URI1: variants seen among roughly 807,000 people sequenced by gnomAD.
URI1 encodes the protein URI1 prefoldin like chaperone.
In URI1, 39 loss-of-function variants were observed where a neutral mutation model predicts 60.2. That is an observed-to-expected ratio of 0.65 (90% CI 0.50 to 0.85). The LOEUF (loss-of-function observed/expected upper bound fraction) is 0.85. Among genes scored for constraint, URI1 ranks in the 40% least tolerant of loss-of-function variants. URI1 has a pLI of 0.00. For synonymous variants in URI1, 251 were observed against 236.8 expected (o/e 1.06, Z -0.55); for missense variants, 691 against 665.9 (o/e 1.04, Z -0.42).
At chr19:29,991,893 G>A (rs2145394883) in intron 4 of URI1, among the ~76,000 whole-genome samples, 1 of 152,246 alleles carries the variant, frequency 6.6e-6, no homozygotes, top group African/African-American at 2.4e-5. Context: ...ATCTGTTAAT[G>A]TGGTGGATTA....
chr19:29,942,360 C>G lies in URI1; in HGVS notation c.-188C>G. 1.0e-6 allele frequency: 1 copy of G among 984,970 alleles called. No individual in the cohort carries two copies. Among genetic ancestry groups the G allele is most frequent in the Non-Finnish European group, 1.2e-6 (1 of 829,852 alleles). The allele number at this position is 984,970 out of a possible 1,614,324, so 61.0% of individuals were successfully genotyped here. A position where few individuals can be genotyped will look rare whatever the true frequency, so the allele number is the denominator to read the frequency against. On this transcript the variant is annotated 5_prime_UTR_variant, in exon 1 of 11. Coordinates refer to ENST00000392271, the MANE Select transcript of URI1 (RefSeq NM_003796.3). ...GCGGGGCGGCGGCGGCGGGGACATG[C>G]ACGTGTGAGATGCGGCAGCGGGCGG...
intron 1 of URI1, among the ~76,000 whole-genome samples, chr19:29,950,063 A>G (rs1444518769): frequency 6.6e-6 from 1 of 152,246 alleles, no homozygotes; most frequent in Non-Finnish European, 1.5e-5. Flanking sequence ...ATTACTTGTA[A>G]GTTTTATTTT....
chr19:29,932,899 C>T (rs561920047), intron 1 of URI1, among the ~76,000 whole-genome samples: 59 of 147,748 alleles, frequency 4.0e-4, no homozygotes, highest in African/African-American at 1.0e-3. Flanking sequence ...GTGATCCACC[C>T]GCCTCAGCCT....
chr19:29,956,716 C>T (rs2055252847), intron 1 of URI1: 1 of 1,554,882 alleles, frequency 6.4e-7, no homozygotes, highest in African/African-American at 1.4e-5. Context: ...CAGACCTCAT[C>T]TTGTAATGGA....
At chr19:29,985,411 T>A in intron 3 of URI1, 110 bp downstream of exon 3, 4 of 796,540 alleles carry the variant, frequency 5.0e-6, no homozygotes, top group African/African-American at 1.7e-5. Context: ...GGTAACTATG[T>A]AGCAAGGAAG....
intron 1 of URI1, among the ~76,000 whole-genome samples, chr19:29,934,916 T>C (rs1273148744): frequency 2.6e-5 from 4 of 152,148 alleles, no homozygotes; most frequent in African/African-American, 4.8e-5. Context: ...CCAAAGTAAG[T>C]CTCTTGCAGA....
At chr19:30,014,758 G>A in intron 10 of URI1, 129 bp from the exon 11 acceptor site, 1 of 786,816 alleles carries the variant, frequency 1.3e-6, no homozygotes, top group Non-Finnish European at 2.0e-6. Context: ...TTTTGGTGTA[G>A]TAGTGTTGTC....
chr19:29,948,629 GC>G, intron 1 of URI1, among the ~76,000 whole-genome samples: 1 of 152,148 alleles, frequency 6.6e-6, no homozygotes, highest in Non-Finnish European at 1.5e-5. Context: ...AGTGGACACA[GC>G]ACATGTTTCA....
At chr19:29,947,503 T>C (rs2055117399) in intron 1 of URI1, among the ~76,000 whole-genome samples, 1 of 152,266 alleles carries the variant, frequency 6.6e-6, no homozygotes, top group South Asian at 2.1e-4. Flanking sequence ...AAGTTCTCCC[T>C]GCTTCAGTCT....
intron 1 of URI1, among the ~76,000 whole-genome samples, chr19:29,926,187 T>C (rs546251734): frequency 6.6e-6 from 1 of 152,080 alleles, no homozygotes; most frequent in South Asian, 2.1e-4. Flanking sequence ...TCTGATATTT[T>C]GGTGCACCCA....
chr19:29,954,511 C>CTT (rs11411965), intron 1 of URI1, among the ~76,000 whole-genome samples: 2,164 of 115,804 alleles, frequency 0.019, 79 homozygotes, highest in African/African-American at 0.033. Flanking sequence ...TACAGATAAA[C>CTT]TTTTTTTTTT....
intron 1 of URI1, 54 bp downstream of exon 1, chr19:29,942,718 T>C: frequency 1.5e-6 from 2 of 1,340,114 alleles, no homozygotes; most frequent in East Asian, 5.8e-5. Context: ...TGCCCCTGCC[T>C]GTGCTCTGGG....
chr19:29,931,114 T>C (rs944640738), intron 1 of URI1, among the ~76,000 whole-genome samples: 3 of 152,190 alleles, frequency 2.0e-5, no homozygotes, highest in Admixed American at 2.0e-4. Context: ...TTGGGGTCTC[T>C]TGAAATTCCA....
intron 1 of URI1, among the ~76,000 whole-genome samples, chr19:29,927,288 G>C (rs2054876855): frequency 6.9e-6 from 1 of 145,782 alleles, no homozygotes; most frequent in Admixed American, 6.9e-5. Flanking sequence ...TTCTGAAATG[G>C]AGTCTTGCTG....
rs2055927856 is a variant in URI1, at chr19:30,005,377, A to G, written c.384A>G (p.Ile128Met). ...EHRKEHVRKT[I>M]DDLKKVMKNF... ...TTGTTTCAGATGTAAGAAAAACAAT[A>G]GATGACTTAAAAAAAGTGATGAAAA... is the stretch of plus-strand genomic sequence containing the variant. The change falls in exon 5 of 11, where the codon ATA (isoleucine) becomes ATG (methionine). Residue 128 changes from isoleucine to methionine, a missense_variant. Coordinates refer to ENST00000392271, the MANE Select transcript of URI1 (RefSeq NM_003796.3). The G allele has an allele frequency of 2.5e-6, 4 of 1,592,866 alleles. No individual in the cohort carries two copies. The highest frequency in any genetic ancestry group is 3.4e-6 in the Non-Finnish European group (4 of 1,168,282).
intron 1 of URI1, among the ~76,000 whole-genome samples, chr19:29,927,259 CT>C (rs2054876255): frequency 8.9e-6 from 1 of 112,238 alleles, no homozygotes; most frequent in Non-Finnish European, 1.9e-5. Flanking sequence ...AATTTCATCC[CT>C]CTTTTTTTTT....
At chr19:29,926,233 C>CCCCTTCCT (rs1385038224) in intron 1 of URI1, among the ~76,000 whole-genome samples, 1 of 131,578 alleles carries the variant, frequency 7.6e-6, no homozygotes, top group Non-Finnish European at 1.6e-5. Flanking sequence ...TTCTTCCTCT[C>CCCCTTCCT]TCCTTCCTTC....
chr19:29,984,199 G>A (rs1251061795), intron 2 of URI1, among the ~76,000 whole-genome samples: 1 of 152,170 alleles, frequency 6.6e-6, no homozygotes. Context: ...GCTGCGGTGG[G>A]GGGATCGCTT....
rs562385947 is a variant in URI1, at chr19:29,983,121, C to T, written c.153-2102C>T. On this transcript the variant is annotated intron_variant, in intron 2 of 10. Transcript: ENST00000392271. ...TTAAACAAAAGAATAAAACATGTTT[C>T]GTATTTATTTATAGAAAAGGATTTT... 18 of 152,092 alleles carry T rather than the reference C, an allele frequency of 1.2e-4. No homozygotes were observed. The South Asian group carries it at 3.5e-3, about 30-fold the overall frequency. The allele number at this position is 152,092 out of a possible 1,614,324, so 9.4% of individuals were successfully genotyped here. A position where few individuals can be genotyped will look rare whatever the true frequency, so the allele number is the denominator to read the frequency against.
Sources: gnomAD v4.1 joint callset for allele counts (sites outside exome capture counted in the v4.1 genomes callset) on GRCh38, gnomAD v4.1.1 for gene constraint, MANE v1.5 for transcripts, NCBI Gene and HGNC (gene_info 2026-07-23, HGNC 2026-07-21) for gene names.